Variants in CAMKMT observed in about 807,000 individuals in gnomAD.
CAMKMT encodes the protein CaM KMT.
In CAMKMT, 53 loss-of-function variants were observed where a neutral mutation model predicts 48.0. That is an observed-to-expected ratio of 1.10 (90% CI 0.89 to 1.39). The LOEUF (loss-of-function observed/expected upper bound fraction) is 1.39, where lower values mean the gene tolerates loss of function less well. Ranked by LOEUF, CAMKMT falls within the 40% of genes most tolerant of loss-of-function variation. The pLI is 0.00. For missense variants in CAMKMT, 428 were observed against 402.7 expected, an observed-to-expected ratio of 1.06 and a Z score of -0.54; for synonymous variants, 165 against 152.3, an observed-to-expected ratio of 1.08 and a Z score of -0.61.
chr2:44,471,816 G>T (rs1010022575), intron 3 of CAMKMT, among the ~76,000 whole-genome samples: 1 of 152,068 alleles, frequency 6.6e-6, no homozygotes, highest in African/African-American at 2.4e-5. Context: ...GTGTGGCTGA[G>T]ATTAGAGGTG....
intron 3 of CAMKMT, among the ~76,000 whole-genome samples, chr2:44,673,059 A>G (rs1675424950): frequency 6.6e-6 from 1 of 152,126 alleles, no homozygotes; most frequent in Admixed American, 6.5e-5. Context: ...GAATTCCTCC[A>G]TATATATGAT....
intron 3 of CAMKMT, among the ~76,000 whole-genome samples, chr2:44,668,900 G>A (rs1425294286): frequency 6.6e-6 from 1 of 151,878 alleles, no homozygotes; most frequent in Non-Finnish European, 1.5e-5. Flanking sequence ...TTATGCCTCA[G>A]CCTCCCAAGT....
At chr2:44,461,160 G>T (rs1667829669) in intron 3 of CAMKMT, among the ~76,000 whole-genome samples, 1 of 152,110 alleles carries the variant, frequency 6.6e-6, no homozygotes, top group Non-Finnish European at 1.5e-5. Flanking sequence ...ATTTGTAAAT[G>T]TAAGGAAAAT....
intron 9 of CAMKMT, among the ~76,000 whole-genome samples, chr2:44,760,005 G>A (rs1680550755): frequency 6.6e-6 from 1 of 152,176 alleles, no homozygotes; most frequent in South Asian, 2.1e-4. Flanking sequence ...TTGAGCAACT[G>A]CTATCTGCTT....
chr2:44,541,503 A>C (rs569824435), intron 3 of CAMKMT, among the ~76,000 whole-genome samples: 10 of 152,308 alleles, frequency 6.6e-5, no homozygotes, highest in Admixed American at 2.0e-4. Context: ...TTTGAAGGCT[A>C]TCAGTTTCTG....
intron 6 of CAMKMT, 94 bp downstream of exon 6, chr2:44,707,556 T>C (rs1573127302): frequency 9.9e-7 from 1 of 1,006,994 alleles, no homozygotes; most frequent in East Asian, 2.6e-5. Flanking sequence ...CATGGGGTAT[T>C]AAAAGAGAGT....
chr2:44,548,428 C>G (rs1667520008), intron 3 of CAMKMT, among the ~76,000 whole-genome samples: 1 of 152,148 alleles, frequency 6.6e-6, no homozygotes, highest in South Asian at 2.1e-4. Context: ...GCCCTGATAA[C>G]AGGTGTCTCC....
intron 2 of CAMKMT, among the ~76,000 whole-genome samples, chr2:44,385,968 T>A (rs770425308): frequency 4.6e-5 from 7 of 152,132 alleles, no homozygotes; most frequent in African/African-American, 7.2e-5. Flanking sequence ...GGTTTTGGTA[T>A]TAGAGTGATG....
intron 3 of CAMKMT, among the ~76,000 whole-genome samples, chr2:44,530,024 T>A (rs1666397175): frequency 6.6e-6 from 1 of 152,162 alleles, no homozygotes; most frequent in Non-Finnish European, 1.5e-5. Context: ...AAAATTAATT[T>A]CCCCTAGTTC....
chr2:44,749,163 T>G (rs781062179), intron 8 of CAMKMT, among the ~76,000 whole-genome samples: 8 of 152,176 alleles, frequency 5.3e-5, no homozygotes, highest in Non-Finnish European at 1.0e-4. Flanking sequence ...AAAGTGACCT[T>G]CCATAGAAGA....
chr2:44,718,172 A>T (rs1477365673), intron 7 of CAMKMT, among the ~76,000 whole-genome samples: 1 of 152,206 alleles, frequency 6.6e-6, no homozygotes, highest in East Asian at 1.9e-4. Context: ...TTCACAGTCA[A>T]TCCACCTCTG....
At chr2:44,370,371 A>G (rs2054991311) in intron 1 of CAMKMT, among the ~76,000 whole-genome samples, 1 of 151,828 alleles carries the variant, frequency 6.6e-6, no homozygotes, top group South Asian at 2.1e-4. Flanking sequence ...GACTATTCGG[A>G]TTTTCCGTTT....
intron 3 of CAMKMT, among the ~76,000 whole-genome samples, chr2:44,472,500 A>G (rs1223963239): frequency 6.6e-6 from 1 of 152,180 alleles, no homozygotes; most frequent in Non-Finnish European, 1.5e-5. Context: ...CAGCCCCCAA[A>G]ATCCTGTTTG....
intron 3 of CAMKMT, among the ~76,000 whole-genome samples, chr2:44,485,272 C>T (rs144502364): frequency 6.6e-6 from 1 of 152,232 alleles, no homozygotes; most frequent in East Asian, 1.9e-4. Flanking sequence ...TTTTTAATAG[C>T]TGAACACTGG....
chr2:44,496,226 G>C (rs1414094011), intron 3 of CAMKMT, among the ~76,000 whole-genome samples: 1 of 152,084 alleles, frequency 6.6e-6, no homozygotes, highest in African/African-American at 2.4e-5. Context: ...GAATAAATCA[G>C]GGCTTTTTAA....
At chr2:44,749,541 T>C (rs772277002) in intron 8 of CAMKMT, among the ~76,000 whole-genome samples, 6 of 152,224 alleles carry the variant, frequency 3.9e-5, no homozygotes, top group Non-Finnish European at 7.3e-5. Context: ...TATTCATAGC[T>C]CATCCCCAGT....
chr2:44,648,222 G>T (rs1490272277), intron 3 of CAMKMT, among the ~76,000 whole-genome samples: 1 of 151,994 alleles, frequency 6.6e-6, no homozygotes, highest in Non-Finnish European at 1.5e-5. Flanking sequence ...TTTATATTTA[G>T]GTTTGATAGA....
At chr2:44,420,217 A>G (rs1023804935) in intron 3 of CAMKMT, among the ~76,000 whole-genome samples, 1 of 152,194 alleles carries the variant, frequency 6.6e-6, no homozygotes, top group African/African-American at 2.4e-5. Flanking sequence ...AAAAGGTGAC[A>G]TGTTAATCTG....
chr2:44,770,400 T>A (rs1225617731), intron 10 of CAMKMT, among the ~76,000 whole-genome samples: 1 of 152,230 alleles, frequency 6.6e-6, no homozygotes, highest in East Asian at 1.9e-4. Context: ...GAATCCAAGT[T>A]AAAAGTGATT....
Sources: allele counts gnomAD v4.1 joint callset (sites outside exome capture counted in the v4.1 genomes callset), GRCh38; gene constraint gnomAD v4.1.1; transcripts MANE v1.5; gene names NCBI Gene and HGNC (gene_info 2026-07-23, HGNC 2026-07-21).